Variants in GPHN observed in about 807,000 individuals in gnomAD.
GPHN encodes the protein gephyrin.
GPHN carries 17 observed loss-of-function variants against 95.5 expected under a neutral mutation model. The observed-to-expected ratio is 0.18, with a 90% CI of 0.12 to 0.27. The LOEUF is 0.27. GPHN is among the 10% of genes least tolerant of loss of function. The probability of loss-of-function intolerance (pLI) is 1.00; values close to 1 mark genes in which losing one functional copy is unlikely to be tolerated. For missense variants in GPHN, 660 were observed against 978.1 expected, an observed-to-expected ratio of 0.67 and a Z score of 4.34; for synonymous variants, 320 against 322.5, an observed-to-expected ratio of 0.99 and a Z score of 0.08.
chr14:66,753,489 G>T (rs2058445904), intron 2 of GPHN, among the ~76,000 whole-genome samples: 1 of 147,444 alleles, frequency 6.8e-6, no homozygotes, highest in African/African-American at 2.6e-5. Context: ...ATAGCTAACT[G>T]ATATAAAGTT....
intron 1 of GPHN, among the ~76,000 whole-genome samples, chr14:66,552,939 A>T (rs1170483910): frequency 2.7e-5 from 4 of 146,292 alleles, no homozygotes; most frequent in Non-Finnish European, 6.1e-5. Flanking sequence ...CTTTATATTT[A>T]TCCTGTTTGG....
At chr14:66,972,707 A>G (rs1315711693) in intron 9 of GPHN, among the ~76,000 whole-genome samples, 1 of 152,010 alleles carries the variant, frequency 6.6e-6, no homozygotes, top group Non-Finnish European at 1.5e-5. Context: ...AATGTGTATT[A>G]ATATTGTCAT....
chr14:66,756,661 G>A lies in GPHN; in HGVS notation c.144-19803G>A, dbSNP rs572857473. On this transcript the variant is annotated intron_variant, in intron 2 of 22. Transcript: ENST00000478722. ...ATTTGTTTTTACTGTCTTTTGGATGGCAACATTAACTTTGTACCATATACC... is the reference window on the plus strand; with the variant it reads ...ATTTGTTTTTACTGTCTTTTGGATGACAACATTAACTTTGTACCATATACC... Among the ~76,000 whole-genome samples the A allele has an allele frequency of 3.3e-5, 5 of 152,200 alleles. No homozygotes were observed. In the East Asian group the frequency reaches 7.7e-4, roughly 24 times the overall value.
At chr14:67,225,284 GTC>G in the GPHN span, 3 of 1,453,912 alleles carry the variant, frequency 2.1e-6, no homozygotes, top group Non-Finnish European at 2.7e-6. Context: ...TTAATTATAA[GTC>G]TCTATAGGAA....
At chr14:67,380,989 G>A in the GPHN span, among the ~76,000 whole-genome samples, 1 of 152,076 alleles carries the variant, frequency 6.6e-6, no homozygotes, top group East Asian at 1.9e-4. Context: ...TAACCTAAAG[G>A]TAGCCCTTTT....
chr14:67,522,421 G>C, the GPHN span, among the ~76,000 whole-genome samples: 15 of 152,146 alleles, frequency 9.9e-5, no homozygotes, highest in Admixed American at 2.0e-4. Flanking sequence ...TCGTCTGAGG[G>C]GGGACAAAGG....
At chr14:67,359,527 A>G in the GPHN span, 1 of 1,054,316 alleles carries the variant, frequency 9.5e-7, no homozygotes. Flanking sequence ...CCCTAGACTC[A>G]AGAAAAGAAC....
At chr14:67,163,716 A>G (rs2082097109) in intron 19 of GPHN, among the ~76,000 whole-genome samples, 1 of 152,194 alleles carries the variant, frequency 6.6e-6, no homozygotes. Flanking sequence ...AAGAGTAAAA[A>G]TAAAACAATG....
the GPHN span, among the ~76,000 whole-genome samples, chr14:67,378,130 A>C: frequency 4.6e-5 from 7 of 151,738 alleles, no homozygotes; most frequent in African/African-American, 1.5e-4. Context: ...CTCTTAAAAA[A>C]AAAAAAAAAG....
the GPHN span, among the ~76,000 whole-genome samples, chr14:67,469,440 C>CTTTTT: frequency 4.9e-3 from 397 of 80,908 alleles, 8 homozygotes; most frequent in Middle Eastern, 0.014. Context: ...CCATGCCTGG[C>CTTTTT]TTTTTTTTTT....
intron 1 of GPHN, among the ~76,000 whole-genome samples, chr14:66,639,861 C>T (rs1485098639): frequency 1.3e-5 from 2 of 151,892 alleles, no homozygotes; most frequent in African/African-American, 4.8e-5. Flanking sequence ...GAAATTTTGT[C>T]TGAAATTAAA....
At chr14:67,657,607 C>CACACAT in the GPHN span, among the ~76,000 whole-genome samples, 2 of 150,694 alleles carry the variant, frequency 1.3e-5, no homozygotes, top group African/African-American at 2.5e-5. Flanking sequence ...TGCACACACA[C>CACACAT]ACACACACAC....
chr14:67,298,062 C>A, the GPHN span, among the ~76,000 whole-genome samples: 1 of 152,026 alleles, frequency 6.6e-6, no homozygotes, highest in Non-Finnish European at 1.5e-5. Flanking sequence ...AAGGTTAAGG[C>A]ATAAGGAATG....
intron 4 of GPHN, among the ~76,000 whole-genome samples, chr14:66,877,552 T>G (rs1354514951): frequency 6.6e-6 from 1 of 152,114 alleles, no homozygotes; most frequent in African/African-American, 2.4e-5. Context: ...GGATACAAAA[T>G]CAATGCACAA....
chr14:67,254,463 C>T, the GPHN span, among the ~76,000 whole-genome samples: 3 of 152,068 alleles, frequency 2.0e-5, no homozygotes, highest in Admixed American at 2.0e-4. Context: ...TTACTCATAC[C>T]CTCAGTCAGC....
the GPHN span, chr14:67,652,313 G>A: frequency 1.3e-5 from 2 of 153,510 alleles, no homozygotes; most frequent in East Asian, 1.9e-4. Context: ...TATGGACTAG[G>A]AGTCCATACA....
At chr14:66,526,974 A>G (rs2139883933) in intron 1 of GPHN, among the ~76,000 whole-genome samples, 1 of 152,228 alleles carries the variant, frequency 6.6e-6, no homozygotes, top group Non-Finnish European at 1.5e-5. Context: ...TGGTATCAGG[A>G]TGATACTGTC....
the GPHN span, among the ~76,000 whole-genome samples, chr14:67,441,516 A>G: frequency 0.019 from 2,911 of 152,222 alleles, 166 homozygotes; most frequent in South Asian, 0.12. Flanking sequence ...GACTTCTCCA[A>G]TGGGCTCAGT....
chr14:67,238,776 T>C, the GPHN span, among the ~76,000 whole-genome samples: 1 of 152,100 alleles, frequency 6.6e-6, no homozygotes, highest in Non-Finnish European at 1.5e-5. Flanking sequence ...CCCAAGTAGC[T>C]GGGATTATAA....
Sources: allele counts gnomAD v4.1 joint callset (sites outside exome capture counted in the v4.1 genomes callset), GRCh38; gene constraint gnomAD v4.1.1; transcripts MANE v1.5; gene names NCBI Gene and HGNC (gene_info 2026-07-23, HGNC 2026-07-21).